EYS: variants seen among roughly 807,000 people sequenced by gnomAD.
EYS encodes the protein EGF-like photoreceptor maintenance factor, also known as protein eyes shut homolog.
EYS carries 250 observed loss-of-function variants against 282.1 expected under a neutral mutation model. That is an observed-to-expected ratio of 0.89 (90% CI 0.80 to 0.98). The LOEUF is 0.98. Ranked by LOEUF, EYS falls within the 50% of genes least tolerant of loss-of-function variation. The pLI, the probability that EYS is intolerant of heterozygous loss-of-function variation, is 0.00. For missense variants in EYS, 4,016 were observed against 3,709.0 expected, an observed-to-expected ratio of 1.08 and a Z score of -2.15; for synonymous variants, 1,355 against 1,282.9, an observed-to-expected ratio of 1.06 and a Z score of -1.20.
chr6:64,853,142 A>G (rs1765940152), intron 19 of EYS, among the ~76,000 whole-genome samples: 1 of 152,198 alleles, frequency 6.6e-6, no homozygotes, highest in African/African-American at 2.4e-5. Context: ...AGATCCTTTC[A>G]TATAAATAAC....
At chr6:64,992,717 T>C (rs1771107355) in intron 14 of EYS, among the ~76,000 whole-genome samples, 1 of 152,028 alleles carries the variant, frequency 6.6e-6, no homozygotes, top group East Asian at 1.9e-4. Context: ...AGCTCTGATA[T>C]GAGTCAGATT....
At chr6:63,754,454 G>C (rs140740933) in intron 41 of EYS, among the ~76,000 whole-genome samples, 2 of 151,876 alleles carry the variant, frequency 1.3e-5, no homozygotes, top group African/African-American at 2.4e-5. Flanking sequence ...TTGGTTTTCT[G>C]TCCTTGTGAT....
At chr6:64,579,255 A>G (rs1369940975) in intron 26 of EYS, among the ~76,000 whole-genome samples, 1 of 152,154 alleles carries the variant, frequency 6.6e-6, no homozygotes, top group Non-Finnish European at 1.5e-5. Flanking sequence ...CTAGCAGGAA[A>G]GTCACTGAAG....
At chr6:64,601,530 CA>C (rs1478274777) in intron 24 of EYS, among the ~76,000 whole-genome samples, 1 of 152,002 alleles carries the variant, frequency 6.6e-6, no homozygotes, top group Non-Finnish European at 1.5e-5. Flanking sequence ...TCTTTCATAA[CA>C]CATTTCAAAT....
chr6:64,773,924 C>G (rs1305550183), intron 22 of EYS, among the ~76,000 whole-genome samples: 1 of 151,832 alleles, frequency 6.6e-6, no homozygotes, highest in African/African-American at 2.4e-5. Context: ...TGCAGAAGCT[C>G]TTTAGTTTAA....
rs1176129835 is a variant in EYS, at chr6:64,591,904, G to T, written c.3963C>A (p.Ser1321Arg). The change falls in exon 26 of 43, where the codon AGC becomes AGA. Residue 1321 changes from serine (S) to arginine (R), a missense_variant. By Grantham distance (110) the Ser-to-Arg change is moderately radical. Coordinates refer to ENST00000503581, the MANE Select transcript of EYS (RefSeq NM_001142800.2). ...ATLRISTPLE[S>R]YLLQELIVTR... Reference sequence around the variant, plus strand: ...TGACAATCAGTTCTTGGAGTAAGTAGCTTTCCAAGGGTGTGCTAATTCTTA... The same window carrying T: ...TGACAATCAGTTCTTGGAGTAAGTATCTTTCCAAGGGTGTGCTAATTCTTA... 5 of 1,550,282 alleles carry T rather than the reference G, an allele frequency of 3.2e-6. No individual in the cohort carries two copies. The highest frequency in any genetic ancestry group is 4.9e-5 in the East Asian group (2 of 40,888).
At chr6:63,906,623 C>T (rs1773785878) in intron 35 of EYS, among the ~76,000 whole-genome samples, 1 of 152,122 alleles carries the variant, frequency 6.6e-6, no homozygotes, top group Non-Finnish European at 1.5e-5. Context: ...GCTTTTAGTT[C>T]TAATGTTACA....
At chr6:64,019,864 AT>A (rs1769100098) in intron 33 of EYS, among the ~76,000 whole-genome samples, 1 of 147,576 alleles carries the variant, frequency 6.8e-6, no homozygotes, top group Non-Finnish European at 1.5e-5. Flanking sequence ...ATATATATAT[AT>A]ATACTTACAT....
At chr6:65,335,755 A>G (rs1387470277) in intron 10 of EYS, among the ~76,000 whole-genome samples, 1 of 151,702 alleles carries the variant, frequency 6.6e-6, no homozygotes, top group Non-Finnish European at 1.5e-5. Context: ...CTTATGAGGC[A>G]CAAAAATCAC....
rs558101586 is a variant in EYS at position 65,188,130 on chromosome 6, T to A, written c.2023+107733A>T. ...GGTTAATAAAGTATATATACTCATA[T>A]CAATCTTATTAGAAACACAATGGAA... On this transcript the variant is annotated intron_variant, in intron 12 of 42. Transcript: ENST00000503581. Among the ~76,000 whole-genome samples, 7 of 151,726 alleles carry A rather than the reference T, an allele frequency of 4.6e-5. No homozygotes were observed. The South Asian group carries it at 6.2e-4, about 13-fold the overall frequency.
intron 22 of EYS, among the ~76,000 whole-genome samples, chr6:64,746,109 G>A (rs2149965161): frequency 6.6e-6 from 1 of 152,082 alleles, no homozygotes; most frequent in South Asian, 2.1e-4. Context: ...TTAGAAGTAT[G>A]AGAAATAAAA....
chr6:64,922,627 A>G (rs1026592186), intron 15 of EYS, among the ~76,000 whole-genome samples: 2 of 152,222 alleles, frequency 1.3e-5, no homozygotes, highest in East Asian at 3.9e-4. Flanking sequence ...AGGATAAATT[A>G]AATGCCAGTA....
chr6:64,756,605 T>C (rs955600686), intron 22 of EYS, among the ~76,000 whole-genome samples: 1 of 152,206 alleles, frequency 6.6e-6, no homozygotes, highest in African/African-American at 2.4e-5. Flanking sequence ...GACAATTATA[T>C]ATCTCCAACT....
intron 11 of EYS, among the ~76,000 whole-genome samples, chr6:65,314,210 T>A (rs1307245979): frequency 6.6e-6 from 1 of 151,656 alleles, no homozygotes; most frequent in East Asian, 2.0e-4. Context: ...TTCTCAATGA[T>A]CACCCCATTT....
intron 13 of EYS, among the ~76,000 whole-genome samples, chr6:65,051,584 T>C (rs574766745): frequency 5.1e-4 from 78 of 151,720 alleles, no homozygotes; most frequent in South Asian, 1.0e-3. Context: ...TAAGTAATTT[T>C]TAAGTATATA....
At chr6:65,072,635 A>G (rs1207410251) in intron 12 of EYS, among the ~76,000 whole-genome samples, 1 of 151,898 alleles carries the variant, frequency 6.6e-6, no homozygotes, top group African/African-American at 2.4e-5. Context: ...AAAATGAGCT[A>G]AAACATTTTG....
chr6:64,418,884 G>A (rs1432378374), intron 28 of EYS, among the ~76,000 whole-genome samples: 1 of 152,170 alleles, frequency 6.6e-6, no homozygotes, highest in Non-Finnish European at 1.5e-5. Context: ...CACAGTCCCT[G>A]AGAAAAGGTG....
chr6:65,675,384 C>T (rs536713894), intron 1 of EYS, among the ~76,000 whole-genome samples: 30 of 151,780 alleles, frequency 2.0e-4, no homozygotes, highest in African/African-American at 5.1e-4. Context: ...CTCACTTTAG[C>T]TTTAAGGATG....
chr6:63,810,058 C>T (rs1306543378), intron 36 of EYS, among the ~76,000 whole-genome samples: 5 of 148,778 alleles, frequency 3.4e-5, no homozygotes, highest in Admixed American at 6.7e-5. Context: ...TGGCTAACAC[C>T]GTGAAACCCC....
Sources: allele counts gnomAD v4.1 joint callset (sites outside exome capture counted in the v4.1 genomes callset), GRCh38; gene constraint gnomAD v4.1.1; transcripts MANE v1.5; gene names NCBI Gene and HGNC (gene_info 2026-07-23, HGNC 2026-07-21).